DECR1: variants seen among roughly 807,000 people sequenced by gnomAD.
The protein encoded by DECR1 is 2,4-dienoyl-CoA reductase 1.
A neutral mutation model predicts 38.8 loss-of-function variants in DECR1; 44 were observed. The observed-to-expected ratio is 1.13, with a 90% confidence interval of 0.89 to 1.46. DECR1 has a LOEUF of 1.46. Among genes scored for constraint, DECR1 ranks in the 40% most tolerant of loss-of-function variants. DECR1 has a pLI of 0.00. For synonymous variants in DECR1, 148 were observed against 135.2 expected (o/e 1.09, Z -0.66); for missense variants, 428 against 405.5 (o/e 1.06, Z -0.48).
At chr8:90,051,190 A>G (rs1309232259) in intron 8 of DECR1, among the ~76,000 whole-genome samples, 5 of 151,916 alleles carry the variant, frequency 3.3e-5, no homozygotes, top group Non-Finnish European at 7.4e-5. Flanking sequence ...AAAAAAAAGA[A>G]AAGAGGTTTA....
At chr8:90,041,369 C>T (rs190822398) in intron 6 of DECR1, among the ~76,000 whole-genome samples, 102 of 152,124 alleles carry the variant, frequency 6.7e-4, no homozygotes, top group Middle Eastern at 6.8e-3. Context: ...TTTGTAGATT[C>T]TGGATATTAG....
Position 90,036,947 on chromosome 8 carries a change from A to G in DECR1, c.665+7A>G, listed in dbSNP as rs371210590. Reference sequence around the variant, plus strand: ...GTGTGGAAGCCATGAGCAAGTAAGTACTTCCTTGTCAATCCTGTTGCTGAA... The same window carrying G: ...GTGTGGAAGCCATGAGCAAGTAAGTGCTTCCTTGTCAATCCTGTTGCTGAA... On this transcript the variant is annotated splice_region_variant and intron_variant, in intron 6 of 9. Coordinates refer to ENST00000220764, the MANE Select transcript of DECR1 (RefSeq NM_001359.2). 6.2e-6 allele frequency: 10 copies of G among 1,601,246 alleles called. No individual in the cohort carries two copies. Among genetic ancestry groups the G allele is most frequent in the Non-Finnish European group, 8.6e-6 (10 of 1,169,320 alleles).
intron 8 of DECR1, among the ~76,000 whole-genome samples, chr8:90,050,333 A>G (rs1370678578): frequency 6.6e-6 from 1 of 152,126 alleles, no homozygotes; most frequent in African/African-American, 2.4e-5. Flanking sequence ...ACAAGAAAAA[A>G]TCAAACAACC....
chr8:90,005,763 C>T, intron 1 of DECR1: 1 of 309,148 alleles, frequency 3.2e-6, no homozygotes, highest in Non-Finnish European at 6.3e-6. Context: ...TTGTTTGACT[C>T]ATGATTCTGA....
intron 5 of DECR1, 48 bp from the exon 6 acceptor site, chr8:90,036,793 A>G: frequency 8.5e-7 from 1 of 1,178,182 alleles, no homozygotes; most frequent in Non-Finnish European, 1.2e-6. Flanking sequence ...CCTTATGTGT[A>G]GTGATACATC....
intron 5 of DECR1, chr8:90,029,464 A>C (rs1341259075): frequency 6.6e-6 from 1 of 151,938 alleles, no homozygotes; most frequent in East Asian, 1.9e-4. Context: ...GAAGTGAATA[A>C]TCTTACCAGC....
intron 8 of DECR1, among the ~76,000 whole-genome samples, chr8:90,048,477 CTA>C (rs1483504109): frequency 1.3e-5 from 2 of 152,094 alleles, no homozygotes; most frequent in African/African-American, 4.8e-5. Flanking sequence ...TCTCCCAAGA[CTA>C]AACCTGGAAG....
At chr8:90,039,504 G>C (rs1249489203) in intron 6 of DECR1, among the ~76,000 whole-genome samples, 1 of 152,154 alleles carries the variant, frequency 6.6e-6, no homozygotes, top group Non-Finnish European at 1.5e-5. Flanking sequence ...ATTCAGTTAT[G>C]TCTACCTGGT....
At chr8:90,005,257 T>C in intron 1 of DECR1, 1 of 448,006 alleles carries the variant, frequency 2.2e-6, no homozygotes, top group South Asian at 1.6e-5. Flanking sequence ...GCTTTTCTTA[T>C]TTATGTAGAA....
Position 90,042,922 on chromosome 8 carries a change from A to G in DECR1, c.738+122A>G, listed in dbSNP as rs1586163930. 8.9e-6 allele frequency: 7 copies of G among 790,252 alleles called. No individual in the cohort carries two copies. The Admixed American group carries it at 1.5e-4, about 17-fold the overall frequency. 49.0% of individuals were successfully genotyped at this position (790,252 alleles called of 1,614,324 possible). A position where few individuals can be genotyped will look rare whatever the true frequency, so the allele number is the denominator to read the frequency against. The stretch of plus-strand genomic sequence containing the variant: ...TGCCTAGGTTTAGAGCCCTGGTTCT[A>G]GGGAAGAGGCCTTTGCCTTTATTCA... On this transcript the variant is annotated intron_variant, in intron 7 of 9. Coordinates refer to ENST00000220764, the MANE Select transcript of DECR1 (RefSeq NM_001359.2).
chr8:90,019,732 C>T (rs1253461392), intron 4 of DECR1, among the ~76,000 whole-genome samples: 1 of 152,164 alleles, frequency 6.6e-6, no homozygotes, highest in Non-Finnish European at 1.5e-5. Context: ...AGGCCTCCTC[C>T]TACCTCAATA....
At chr8:90,046,076 T>C (rs879402994) in intron 8 of DECR1, among the ~76,000 whole-genome samples, 2 of 152,136 alleles carry the variant, frequency 1.3e-5, no homozygotes, top group Non-Finnish European at 2.9e-5. Context: ...ACCACAAAGA[T>C]GGGGAGAAAC....
chr8:90,018,830 A>T, intron 2 of DECR1, 79 bp from the exon 3 acceptor site: 1 of 1,077,778 alleles, frequency 9.3e-7, no homozygotes, highest in Non-Finnish European at 1.4e-6. Context: ...GCTTTTCTTT[A>T]AGCTATGGAT....
intron 1 of DECR1, among the ~76,000 whole-genome samples, chr8:90,002,880 C>T (rs1288965857): frequency 2.0e-5 from 3 of 152,150 alleles, no homozygotes; most frequent in Non-Finnish European, 4.4e-5. Flanking sequence ...AAATCTACAA[C>T]AGCTCTGTGA....
chr8:90,044,766 CA>C, intron 7 of DECR1, 82 bp from the exon 8 acceptor site: 1 of 1,425,910 alleles, frequency 7.0e-7, no homozygotes, highest in Non-Finnish European at 9.5e-7. Context: ...GGCAGCATGC[CA>C]TTTTATACAC....
intron 5 of DECR1, among the ~76,000 whole-genome samples, chr8:90,027,359 A>G (rs1409788379): frequency 1.3e-5 from 2 of 151,964 alleles, no homozygotes; most frequent in Admixed American, 6.6e-5. Flanking sequence ...GGGCGTCTAC[A>G]TCTCTTTGTA....
At chr8:90,010,441 G>A (rs1373559451) in intron 1 of DECR1, among the ~76,000 whole-genome samples, 1 of 152,248 alleles carries the variant, frequency 6.6e-6, no homozygotes, top group East Asian at 1.9e-4. Flanking sequence ...TGGCAGTGGT[G>A]TGGCCATTGG....
At chr8:90,035,525 G>C (rs1353682395) in intron 5 of DECR1, among the ~76,000 whole-genome samples, 1 of 151,542 alleles carries the variant, frequency 6.6e-6, no homozygotes, top group Non-Finnish European at 1.5e-5. Context: ...AAGCCATATT[G>C]GTTTCTATTT....
Position 90,017,316 on chromosome 8 carries a change from A to G in DECR1, c.262A>G (p.Ile88Val), listed in dbSNP as rs1387213495. 10 of 1,613,894 alleles carry G rather than the reference A, an allele frequency of 6.2e-6. No homozygotes were observed. The highest frequency in any genetic ancestry group is 7.6e-6 in the Non-Finnish European group (9 of 1,179,924). ...GTCCAGCCTAGGTGCTCAGTGCGTG[A>G]TAGCCAGCCGGTAAGTCCCTTACAT... is the stretch of plus-strand genomic sequence containing the variant. ...LLSSLGAQCV[I>V]ASRKMDVLKA... The change falls in exon 2 of 10, where the codon ATA (isoleucine) becomes GTA (valine). Residue 88 changes from isoleucine (I) to valine (V), a missense_variant. Ile to Val is a conservative substitution (Grantham distance 29). Transcript: ENST00000220764.
Sources: allele counts gnomAD v4.1 joint callset (sites outside exome capture counted in the v4.1 genomes callset), GRCh38; gene constraint gnomAD v4.1.1; transcripts MANE v1.5; gene names NCBI Gene and HGNC (gene_info 2026-07-23, HGNC 2026-07-21).